CSMD1: variants seen among roughly 807,000 people sequenced by gnomAD.
CSMD1 encodes CUB and sushi domain-containing protein 1.
A neutral mutation model predicts 417.5 loss-of-function variants in CSMD1; 213 were observed. That is an observed-to-expected ratio of 0.51 (90% CI 0.46 to 0.57). The LOEUF (loss-of-function observed/expected upper bound fraction) is 0.57, where lower values mean the gene tolerates loss of function less well. CSMD1 is among the 20% of genes least tolerant of loss of function. CSMD1 has a pLI of 0.00. For missense variants in CSMD1, 6,923 were observed against 4,529.7 expected, an observed-to-expected ratio of 1.53 and a Z score of -15.17; for synonymous variants, 2,862 against 1,736.8, an observed-to-expected ratio of 1.65 and a Z score of -16.11.
intron 33 of CSMD1, 108 bp from the exon 34 acceptor site, chr8:3,190,223 G>A (rs910923892): frequency 5.2e-6 from 3 of 574,772 alleles, no homozygotes; most frequent in Non-Finnish European, 5.9e-6. Context: ...TGCAGACAGA[G>A]AATTTAATAA....
At position 3,964,310 on chromosome 8, in the gene CSMD1, G is replaced by A. The variant is rs117689884; in HGVS notation, c.818+33593C>T. Among the ~76,000 whole-genome samples, 89 of 152,246 alleles carry A rather than the reference G, an allele frequency of 5.8e-4. 2 individuals are homozygous for A. The East Asian group carries it at 0.016, about 27-fold the overall frequency. ...TTTAGGGAGCGTTCCACAGTCACGC[G>A]GCCATAAGTCTCATTGTGTCACCGT... On this transcript the variant is annotated intron_variant, in intron 5 of 69. Transcript: ENST00000635120.
At chr8:3,557,612 T>G (rs921138807) in intron 10 of CSMD1, among the ~76,000 whole-genome samples, 1 of 152,194 alleles carries the variant, frequency 6.6e-6, no homozygotes, top group South Asian at 2.1e-4. Context: ...CTTGAGGCTT[T>G]CTTTCCTCTG....
At chr8:3,227,694 A>G (rs1200122094) in intron 27 of CSMD1, among the ~76,000 whole-genome samples, 1 of 152,162 alleles carries the variant, frequency 6.6e-6, no homozygotes, top group Non-Finnish European at 1.5e-5. Context: ...CACAAAATAT[A>G]CACACCATGT....
intron 10 of CSMD1, among the ~76,000 whole-genome samples, chr8:3,568,307 T>C (rs1022713707): frequency 3.9e-5 from 6 of 152,170 alleles, no homozygotes; most frequent in Non-Finnish European, 5.9e-5. Flanking sequence ...CTGTTGTCAA[T>C]GGCAGAATTT....
In CSMD1 at chr8:3,614,171, T is replaced by C. The variant is rs1217115540; in HGVS notation, c.1097+2539A>G. 3.3e-5 allele frequency among the ~76,000 whole-genome samples: 5 copies of C among 152,176 alleles called. No individual in the cohort carries two copies. In the East Asian group the frequency reaches 7.7e-4, roughly 23 times the overall value. On this transcript the variant is annotated intron_variant, in intron 8 of 69. Coordinates refer to ENST00000635120, the MANE Select transcript of CSMD1 (RefSeq NM_033225.6). The stretch of plus-strand genomic sequence containing the variant: ...TTTCAAATCATCTTCCCAGGTGTTA[T>C]GGCATTTGATTTCTATTGCTACAAA...
At chr8:4,154,145 T>C (rs745804673) in intron 3 of CSMD1, among the ~76,000 whole-genome samples, 3 of 152,210 alleles carry the variant, frequency 2.0e-5, no homozygotes, top group Non-Finnish European at 4.4e-5. Context: ...GAGGGTGAGA[T>C]ATACAATTTT....
At chr8:4,987,200 A>G (rs1811222736) in intron 1 of CSMD1, among the ~76,000 whole-genome samples, 1 of 152,186 alleles carries the variant, frequency 6.6e-6, no homozygotes, top group African/African-American at 2.4e-5. Context: ...TCCAAAATCC[A>G]CTTATTCAGA....
chr8:4,836,777 C>G (rs1048241874), intron 1 of CSMD1, among the ~76,000 whole-genome samples: 1 of 152,036 alleles, frequency 6.6e-6, no homozygotes, highest in Admixed American at 6.6e-5. Flanking sequence ...AGTCTTGACT[C>G]CTGTGTGGAC....
chr8:3,847,029 G>T (rs780575697), intron 5 of CSMD1, among the ~76,000 whole-genome samples: 2 of 152,098 alleles, frequency 1.3e-5, no homozygotes, highest in Admixed American at 6.6e-5. Flanking sequence ...ATCAGATGAT[G>T]CCTCTTAGCA....
At chr8:4,595,672 C>T (rs967764246) in intron 2 of CSMD1, among the ~76,000 whole-genome samples, 3 of 152,134 alleles carry the variant, frequency 2.0e-5, no homozygotes, top group Admixed American at 6.5e-5. Flanking sequence ...GAGGCTGAGG[C>T]TGGAGGATCC....
chr8:4,111,572 T>C (rs1432894871), intron 3 of CSMD1, among the ~76,000 whole-genome samples: 1 of 152,160 alleles, frequency 6.6e-6, no homozygotes, highest in African/African-American at 2.4e-5. Context: ...ACATACACCA[T>C]GGAATACTAT....
chr8:3,951,427 T>C (rs1468388452), intron 5 of CSMD1, among the ~76,000 whole-genome samples: 1 of 152,238 alleles, frequency 6.6e-6, no homozygotes, highest in African/African-American at 2.4e-5. Context: ...ACTTAAACTC[T>C]GTTCATTAGT....
intron 2 of CSMD1, among the ~76,000 whole-genome samples, chr8:4,522,609 A>C (rs1803523716): frequency 6.6e-6 from 1 of 152,200 alleles, no homozygotes; most frequent in Non-Finnish European, 1.5e-5. Context: ...GACAGAATTT[A>C]GCAAGTGGAA....
At chr8:4,525,319 C>A (rs940108849) in intron 2 of CSMD1, among the ~76,000 whole-genome samples, 4 of 152,092 alleles carry the variant, frequency 2.6e-5, no homozygotes, top group Non-Finnish European at 5.9e-5. Context: ...CCAAGGCTCC[C>A]GGCATGGGGA....
At chr8:4,411,273 A>G (rs972829511) in intron 3 of CSMD1, among the ~76,000 whole-genome samples, 11 of 152,294 alleles carry the variant, frequency 7.2e-5, no homozygotes, top group African/African-American at 2.2e-4. Context: ...AATGGGCTCT[A>G]TGGAGTTAAC....
intron 1 of CSMD1, among the ~76,000 whole-genome samples, chr8:4,847,426 G>C (rs923161274): frequency 6.6e-6 from 1 of 151,756 alleles, no homozygotes; most frequent in East Asian, 1.9e-4. Flanking sequence ...AACACTTTTG[G>C]ATTTACAGAA....
chr8:3,918,726 G>A (rs571432264), intron 5 of CSMD1, among the ~76,000 whole-genome samples: 1 of 152,122 alleles, frequency 6.6e-6, no homozygotes, highest in Non-Finnish European at 1.5e-5. Context: ...GGCATTTGCA[G>A]CAACCTGGAT....
chr8:4,369,755 A>C (rs1321559659), intron 3 of CSMD1, among the ~76,000 whole-genome samples: 1 of 151,588 alleles, frequency 6.6e-6, no homozygotes, highest in Non-Finnish European at 1.5e-5. Context: ...AGAATTAGCT[A>C]CTCCTGTTTG....
chr8:4,625,427 G>A (rs2130826320), intron 2 of CSMD1, among the ~76,000 whole-genome samples: 1 of 152,146 alleles, frequency 6.6e-6, no homozygotes, highest in East Asian at 1.9e-4. Context: ...CTCTTTGAGA[G>A]TGCCTTATTT....
Sources: gnomAD v4.1 joint callset for allele counts (sites outside exome capture counted in the v4.1 genomes callset) on GRCh38, gnomAD v4.1.1 for gene constraint, MANE v1.5 for transcripts, NCBI Gene and HGNC (gene_info 2026-07-23, HGNC 2026-07-21) for gene names.